GAP43: variants seen among roughly 807,000 people sequenced by gnomAD.
GAP43 encodes the protein growth associated protein 43.
Under a neutral mutation model 18.6 loss-of-function variants are expected in GAP43, and 6 were observed. That is an observed-to-expected ratio of 0.32 (90% confidence interval 0.18 to 0.64). The LOEUF is 0.64. GAP43 is among the 30% of genes least tolerant of loss of function. The pLI is 0.78. For synonymous variants in GAP43, 115 were observed against 111.4 expected, an observed-to-expected ratio of 1.03 and a Z score of -0.20; for missense variants, 292 against 295.5, an observed-to-expected ratio of 0.99 and a Z score of 0.09.
intron 1 of GAP43, among the ~76,000 whole-genome samples, chr3:115,655,493 A>C (rs1708569611): frequency 6.6e-6 from 1 of 152,200 alleles, no homozygotes; most frequent in Admixed American, 6.5e-5. Context: ...GTCTGTTATT[A>C]CAAATATGCA....
intron 2 of GAP43, among the ~76,000 whole-genome samples, chr3:115,714,077 T>G (rs1165806882): frequency 6.6e-6 from 1 of 152,086 alleles, no homozygotes; most frequent in Non-Finnish European, 1.5e-5. Flanking sequence ...AACTTAGAGG[T>G]TTTTGCTTTG....
intron 2 of GAP43, among the ~76,000 whole-genome samples, chr3:115,704,747 A>G (rs1404705744): frequency 6.6e-6 from 1 of 152,242 alleles, no homozygotes; most frequent in East Asian, 1.9e-4. Flanking sequence ...CCCCAAGGCT[A>G]TGAAAGGCAA....
intron 2 of GAP43, among the ~76,000 whole-genome samples, chr3:115,685,551 T>A (rs977343797): frequency 6.6e-6 from 1 of 152,226 alleles, no homozygotes; most frequent in African/African-American, 2.4e-5. Context: ...ACATAATTTG[T>A]GTACAGCCTG....
In GAP43 at chr3:115,714,407, GCAGGTTA is replaced by G. The variant is rs146120590; in HGVS notation, c.629-6383_629-6377del. Among the ~76,000 whole-genome samples, 1,218 of 152,212 alleles carry G rather than the reference GCAGGTTA, an allele frequency of 8.0e-3. 14 individuals carry two copies. Among genetic ancestry groups the G allele is most frequent in the African/African-American group, 0.027 (1,134 of 41,502 alleles). Reference sequence around the variant, plus strand: ...TCAAGGCTAAAATGCCATGGCATGGGCAGGTTACAGCTTTCTATCAGATTCTAACATT... The same window carrying G: ...TCAAGGCTAAAATGCCATGGCATGGGCAGCTTTCTATCAGATTCTAACATT... On this transcript the variant is annotated intron_variant, in intron 2 of 2. Transcript: ENST00000305124.
At chr3:115,697,861 C>A (rs1421004652) in intron 2 of GAP43, among the ~76,000 whole-genome samples, 1 of 150,102 alleles carries the variant, frequency 6.7e-6, no homozygotes, top group Non-Finnish European at 1.5e-5. Flanking sequence ...CTATTAGTAA[C>A]CCTTTTGTAG....
chr3:115,684,650 G>A (rs1411484589), intron 2 of GAP43, among the ~76,000 whole-genome samples: 3 of 152,200 alleles, frequency 2.0e-5, no homozygotes, highest in Non-Finnish European at 4.4e-5. Flanking sequence ...GAGGGTGTGT[G>A]TGAAGAGTAA....
intron 2 of GAP43, among the ~76,000 whole-genome samples, chr3:115,683,861 G>A (rs933284872): frequency 1.3e-5 from 2 of 151,918 alleles, no homozygotes; most frequent in Non-Finnish European, 2.9e-5. Flanking sequence ...CACAGTCGTT[G>A]GATATTTGAC....
At chr3:115,716,373 A>C (rs1319864000) in intron 2 of GAP43, among the ~76,000 whole-genome samples, 2 of 152,134 alleles carry the variant, frequency 1.3e-5, no homozygotes, top group East Asian at 3.9e-4. Flanking sequence ...TCCCAAACTC[A>C]CATGCAGTCT....
At chr3:115,703,161 C>G (rs2107369362) in intron 2 of GAP43, among the ~76,000 whole-genome samples, 1 of 151,980 alleles carries the variant, frequency 6.6e-6, no homozygotes, top group Non-Finnish European at 1.5e-5. Context: ...TTTATGAAAT[C>G]AAGGAGAACA....
intron 1 of GAP43, among the ~76,000 whole-genome samples, chr3:115,646,980 A>T (rs1708465443): frequency 6.6e-6 from 1 of 151,872 alleles, no homozygotes; most frequent in Non-Finnish European, 1.5e-5. Flanking sequence ...ACAAAACCCC[A>T]CCAACAAGGA....
intron 1 of GAP43, among the ~76,000 whole-genome samples, chr3:115,675,758 CAAAAAAAA>C (rs67744380): frequency 4.0e-5 from 2 of 50,556 alleles, no homozygotes; most frequent in African/African-American, 1.7e-4. Flanking sequence ...GACTCTATCT[CAAAAAAAA>C]AAAAAAAAAA....
intron 2 of GAP43, among the ~76,000 whole-genome samples, chr3:115,697,714 A>T (rs1415019492): frequency 5.9e-5 from 9 of 152,128 alleles, no homozygotes; most frequent in Non-Finnish European, 2.9e-5. Context: ...GGCAAAACAC[A>T]CTTTTGCTTA....
intron 1 of GAP43, among the ~76,000 whole-genome samples, chr3:115,666,464 A>G (rs1708735357): frequency 6.6e-6 from 1 of 152,154 alleles, no homozygotes; most frequent in South Asian, 2.1e-4. Context: ...ACTTAATGTC[A>G]CGATGCTCTA....
At chr3:115,637,329 C>G (rs9289026) in intron 1 of GAP43, among the ~76,000 whole-genome samples, 27,013 of 151,990 alleles carry the variant, frequency 0.18, 2,460 homozygotes, top group Admixed American at 0.24. Context: ...GTGATAAGCT[C>G]TGTATTAGAC....
chr3:115,636,075 C>G (rs1708326258), intron 1 of GAP43, among the ~76,000 whole-genome samples: 2 of 152,064 alleles, frequency 1.3e-5, no homozygotes, highest in South Asian at 2.1e-4. Context: ...TGTAAAGAAT[C>G]AAACCATGAG....
At chr3:115,678,759 T>C (rs919124004) in intron 2 of GAP43, among the ~76,000 whole-genome samples, 2 of 152,040 alleles carry the variant, frequency 1.3e-5, no homozygotes. Context: ...TCAAAGGTGA[T>C]TGAAACAATA....
chr3:115,707,159 G>A (rs1200561434), intron 2 of GAP43, among the ~76,000 whole-genome samples: 2 of 152,116 alleles, frequency 1.3e-5, no homozygotes, highest in African/African-American at 4.8e-5. Context: ...TATTGATATG[G>A]ACTTTAAATG....
chr3:115,636,486 T>A (rs2107467906), intron 1 of GAP43, among the ~76,000 whole-genome samples: 1 of 152,222 alleles, frequency 6.6e-6, no homozygotes, highest in South Asian at 2.1e-4. Flanking sequence ...AATGAGTTAA[T>A]CCCTCTCTTG....
intron 2 of GAP43, among the ~76,000 whole-genome samples, chr3:115,700,355 C>T (rs1295905875): frequency 6.6e-6 from 1 of 152,058 alleles, no homozygotes; most frequent in Admixed American, 6.6e-5. Context: ...TATTGAGATG[C>T]CTAAAAATAA....
Sources: allele counts gnomAD v4.1 joint callset (sites outside exome capture counted in the v4.1 genomes callset), GRCh38; gene constraint gnomAD v4.1.1; transcripts MANE v1.5; gene names NCBI Gene and HGNC (gene_info 2026-07-23, HGNC 2026-07-21).